The following LHFPL3 variants were observed in gnomAD, a reference collection of about 807,000 sequenced individuals.
LHFPL3 encodes LHFPL tetraspan subfamily member 3 protein.
LHFPL3 carries 5 observed loss-of-function variants against 19.3 expected under a neutral mutation model. The observed-to-expected ratio is 0.26, with a 90% CI of 0.14 to 0.54. LHFPL3 has a LOEUF of 0.54. Ranked by LOEUF, LHFPL3 falls within the 20% of genes least tolerant of loss-of-function variation. The pLI, the probability that LHFPL3 is intolerant of heterozygous loss-of-function variation, is 0.94. For missense variants in LHFPL3, 249 were observed against 307.4 expected (o/e 0.81, Z 1.42); for synonymous variants, 133 against 126.2 (o/e 1.05, Z -0.36).
chr7:104,634,012 T>C (rs1791690361), intron 1 of LHFPL3, among the ~76,000 whole-genome samples: 1 of 152,210 alleles, frequency 6.6e-6, no homozygotes, highest in Admixed American at 6.5e-5. Flanking sequence ...TTTCAGTGAT[T>C]TAAATAAAAC....
In LHFPL3 at chr7:104,602,067, C is replaced by T. The variant is rs1168424460; in HGVS notation, c.446-134608C>T. On this transcript the variant is annotated intron_variant, in intron 1 of 2. Transcript: ENST00000424859. ...TGACAGCCTTGCTCTGTCACCCATG[C>T]TGGAGTACAGTGGCATTATCTCAGT... Among the ~76,000 whole-genome samples, 4 of 113,240 alleles carry T rather than the reference C, an allele frequency of 3.5e-5. No individual in the cohort carries two copies. The South Asian group carries it at 1.2e-3, about 35-fold the overall frequency. 74.3% of individuals were successfully genotyped at this position (113,240 alleles called of 152,430 possible).
chr7:104,472,173 T>G (rs1792922619), intron 1 of LHFPL3, among the ~76,000 whole-genome samples: 1 of 123,342 alleles, frequency 8.1e-6, no homozygotes, highest in African/African-American at 3.1e-5. Context: ...TGAGACCCTA[T>G]CTCAAAAAAA....
chr7:104,383,171 C>G (rs1009125781), intron 1 of LHFPL3, among the ~76,000 whole-genome samples: 1 of 152,226 alleles, frequency 6.6e-6, no homozygotes, highest in African/African-American at 2.4e-5. Flanking sequence ...AATTCCTGTG[C>G]CTTTAGCTTC....
chr7:104,420,223 AG>A (rs1277391319), intron 1 of LHFPL3, among the ~76,000 whole-genome samples: 2 of 152,196 alleles, frequency 1.3e-5, no homozygotes, highest in African/African-American at 4.8e-5. Flanking sequence ...CACAGAAGGG[AG>A]AGAACCAGAG....
At chr7:104,691,120 T>A (rs1439833630) in intron 1 of LHFPL3, among the ~76,000 whole-genome samples, 2 of 152,198 alleles carry the variant, frequency 1.3e-5, no homozygotes, top group Non-Finnish European at 2.9e-5. Context: ...GATCATCAAA[T>A]CACCATGCAT....
chr7:104,777,358 G>C (rs1794651878), intron 2 of LHFPL3, among the ~76,000 whole-genome samples: 1 of 152,134 alleles, frequency 6.6e-6, no homozygotes, highest in African/African-American at 2.4e-5. Flanking sequence ...AGAAAACAGG[G>C]TTCAAGAAGT....
At chr7:104,800,883 G>A (rs567122889) in intron 2 of LHFPL3, among the ~76,000 whole-genome samples, 91 of 152,316 alleles carry the variant, frequency 6.0e-4, no homozygotes, top group African/African-American at 2.1e-3. Context: ...ATAAGCTCCT[G>A]AGGACCCCAA....
intron 1 of LHFPL3, among the ~76,000 whole-genome samples, chr7:104,647,793 G>A (rs1791958026): frequency 6.6e-6 from 1 of 152,182 alleles, no homozygotes; most frequent in African/African-American, 2.4e-5. Flanking sequence ...GAAAGAGGAA[G>A]GGGCAGCTTC....
chr7:104,484,755 G>A (rs915028900), intron 1 of LHFPL3, among the ~76,000 whole-genome samples: 1 of 152,194 alleles, frequency 6.6e-6, no homozygotes, highest in Non-Finnish European at 1.5e-5. Flanking sequence ...ATCCCATGAG[G>A]GGGGAAGGCA....
intron 1 of LHFPL3, among the ~76,000 whole-genome samples, chr7:104,464,066 T>C: frequency 6.6e-6 from 1 of 152,230 alleles, no homozygotes; most frequent in Non-Finnish European, 1.5e-5. Context: ...GGTACAGACA[T>C]TGGGCAAATA....
At chr7:104,427,888 T>TGATGA (rs1322186912) in intron 1 of LHFPL3, among the ~76,000 whole-genome samples, 4 of 152,230 alleles carry the variant, frequency 2.6e-5, no homozygotes, top group Admixed American at 2.6e-4. Context: ...TTTTTGCTGG[T>TGATGA]GATGAGCATC....
chr7:104,816,233 T>C (rs951660629), intron 2 of LHFPL3, among the ~76,000 whole-genome samples: 1 of 152,138 alleles, frequency 6.6e-6, no homozygotes, highest in African/African-American at 2.4e-5. Context: ...TTAGGCCCAC[T>C]TGGGGCAAAA....
At chr7:104,491,581 C>G (rs1299547009) in intron 1 of LHFPL3, among the ~76,000 whole-genome samples, 5 of 152,226 alleles carry the variant, frequency 3.3e-5, no homozygotes, top group African/African-American at 1.2e-4. Flanking sequence ...CAGATACCTG[C>G]AGGGGAGTTA....
At position 104,412,115 on chromosome 7, in the gene LHFPL3, A is replaced by G. The variant is rs1022809856; in HGVS notation, c.445+82891A>G. Reference sequence around the variant, plus strand: ...AGTCATTAATGTGGGATTCAATAAGATCTTCCTTTAGTATTAACAAGAGCT... The same window carrying G: ...AGTCATTAATGTGGGATTCAATAAGGTCTTCCTTTAGTATTAACAAGAGCT... On this transcript the variant is annotated intron_variant, in intron 1 of 2. Coordinates refer to ENST00000424859, the MANE Select transcript of LHFPL3 (RefSeq NM_199000.3). 1.3e-5 allele frequency among the ~76,000 whole-genome samples: 2 copies of G among 152,166 alleles called. 1 individual carries two copies. Among genetic ancestry groups the G allele is most frequent in the African/African-American group, 4.8e-5 (2 of 41,424 alleles).
At chr7:104,461,562 T>C in intron 1 of LHFPL3, among the ~76,000 whole-genome samples, 1 of 152,174 alleles carries the variant, frequency 6.6e-6, no homozygotes, top group East Asian at 1.9e-4. Context: ...CATTGGTCTA[T>C]GTGTGTGTTT....
At chr7:104,357,818 T>C (rs545980152) in intron 1 of LHFPL3, among the ~76,000 whole-genome samples, 1 of 152,236 alleles carries the variant, frequency 6.6e-6, no homozygotes, top group South Asian at 2.1e-4. Context: ...CTTTCCTCTT[T>C]TTCATCTCAG....
In LHFPL3 at chr7:104,633,959, C is replaced by G. The variant is rs1209167744; in HGVS notation, c.446-102716C>G. On this transcript the variant is annotated intron_variant, in intron 1 of 2. Coordinates refer to ENST00000424859, the MANE Select transcript of LHFPL3 (RefSeq NM_199000.3). ...CAGCAGCTGGTGTTGGATACAAAGA[C>G]TTCTTTGGTAGCGTCAACCACCTCT... Among the ~76,000 whole-genome samples, 3 of 152,310 alleles carry G rather than the reference C, an allele frequency of 2.0e-5. No individual in the cohort carries two copies. The East Asian group carries it at 5.8e-4, about 29-fold the overall frequency.
intron 1 of LHFPL3, among the ~76,000 whole-genome samples, chr7:104,375,666 G>T (rs1350944849): frequency 5.9e-5 from 9 of 152,150 alleles, no homozygotes. Context: ...ATTTAGATTT[G>T]CACAGTTCAA....
intron 1 of LHFPL3, among the ~76,000 whole-genome samples, chr7:104,711,175 A>G (rs141533213): frequency 1.3e-5 from 2 of 152,358 alleles, no homozygotes; most frequent in East Asian, 3.9e-4. Context: ...CTCTGCAGTT[A>G]TCAGAGGTAT....
Sources: allele counts gnomAD v4.1 joint callset (sites outside exome capture counted in the v4.1 genomes callset), GRCh38; gene constraint gnomAD v4.1.1; transcripts MANE v1.5; gene names NCBI Gene and HGNC (gene_info 2026-07-23, HGNC 2026-07-21).